Variants in PRDM5 observed in about 807,000 individuals in gnomAD.
PRDM5 encodes PR/SET domain 5.
PRDM5 carries 56 observed loss-of-function variants against 81.2 expected under a neutral mutation model. The ratio of observed to expected loss-of-function variants is 0.69; its 90% confidence interval spans 0.56 to 0.86. PRDM5 has a LOEUF of 0.86. PRDM5 is among the 40% of genes least tolerant of loss of function. The pLI is 0.00. For synonymous variants in PRDM5, 267 were observed against 256.4 expected (o/e 1.04, Z -0.39); for missense variants, 697 against 770.1 (o/e 0.91, Z 1.12).
chr4:120,802,245 A>G (rs1329226629), intron 8 of PRDM5, among the ~76,000 whole-genome samples: 1 of 152,218 alleles, frequency 6.6e-6, no homozygotes, highest in African/African-American at 2.4e-5. Flanking sequence ...CATGTTCAAA[A>G]TTCCTTAAAA....
intron 2 of PRDM5, among the ~76,000 whole-genome samples, chr4:120,869,831 G>A (rs1184618170): frequency 6.6e-6 from 1 of 152,148 alleles, no homozygotes; most frequent in Non-Finnish European, 1.5e-5. Context: ...AACACACAGA[G>A]GTCTGGAATC....
chr4:120,772,648 G>A (rs1027748590), intron 13 of PRDM5, among the ~76,000 whole-genome samples: 7 of 152,132 alleles, frequency 4.6e-5, no homozygotes, highest in Admixed American at 3.3e-4. Context: ...TCTGTCAGCC[G>A]GGCTCTTATT....
At chr4:120,835,626 G>A (rs974239667) in intron 3 of PRDM5, among the ~76,000 whole-genome samples, 8 of 152,138 alleles carry the variant, frequency 5.3e-5, no homozygotes, top group Admixed American at 1.3e-4. Context: ...CATGTAGGAC[G>A]TGACTTGCTC....
At chr4:120,707,550 C>T (rs1012092453) in intron 15 of PRDM5, among the ~76,000 whole-genome samples, 2 of 151,050 alleles carry the variant, frequency 1.3e-5, no homozygotes, top group African/African-American at 4.9e-5. Context: ...AACTATAAGA[C>T]TCTTAGAGAA....
rs971062048 is a variant in PRDM5 at position 120,821,099 on chromosome 4, T to C, written c.475+72A>G. On this transcript the variant is annotated intron_variant, in intron 4 of 15. Transcript: ENST00000264808. ...TGCCATATTACAAGGCAACTATAAT[T>C]CAACCACAGTTTAAACTACACTTTT... 2.0e-5 allele frequency: 31 copies of C among 1,516,890 alleles called. No individual in the cohort carries two copies. The Middle Eastern group carries it at 6.8e-4, about 33-fold the overall frequency. 94.0% of individuals were successfully genotyped at this position (1,516,890 alleles called of 1,614,324 possible).
chr4:120,919,262 C>T (rs139651600), intron 1 of PRDM5, among the ~76,000 whole-genome samples: 2 of 152,282 alleles, frequency 1.3e-5, no homozygotes, highest in East Asian at 3.9e-4. Context: ...TACTTGTTTG[C>T]TGCCTATCTC....
chr4:120,884,448 C>T (rs112204736), intron 2 of PRDM5, among the ~76,000 whole-genome samples: 3,362 of 152,146 alleles, frequency 0.022, 129 homozygotes, highest in African/African-American at 0.075. Flanking sequence ...ATAGTTCCTA[C>T]AACTAAAAAC....
intron 14 of PRDM5, among the ~76,000 whole-genome samples, chr4:120,730,410 G>T (rs1230777410): frequency 6.6e-6 from 1 of 152,110 alleles, no homozygotes; most frequent in Admixed American, 6.5e-5. Flanking sequence ...GTAACTTTAT[G>T]TAGAAATAAA....
At chr4:120,768,753 A>C (rs1397774) in intron 13 of PRDM5, among the ~76,000 whole-genome samples, 6,904 of 152,280 alleles carry the variant, frequency 0.045, 312 homozygotes, top group Middle Eastern at 0.15. Flanking sequence ...GAAACTTTAA[A>C]AACTAGGAAA....
chr4:120,704,352 G>A (rs1735805832), intron 15 of PRDM5, among the ~76,000 whole-genome samples: 1 of 152,106 alleles, frequency 6.6e-6, no homozygotes, highest in Admixed American at 6.6e-5. Flanking sequence ...TTACAAACAG[G>A]GGAGAGCAAA....
chr4:120,886,124 G>C (rs1431687018), intron 2 of PRDM5, among the ~76,000 whole-genome samples: 1 of 152,132 alleles, frequency 6.6e-6, no homozygotes, highest in East Asian at 1.9e-4. Context: ...TATGACATTT[G>C]TTTTAGGAGT....
intron 14 of PRDM5, among the ~76,000 whole-genome samples, chr4:120,728,342 A>G (rs1055980522): frequency 5.3e-5 from 8 of 152,266 alleles, no homozygotes; most frequent in African/African-American, 1.9e-4. Context: ...ATGAAAATGT[A>G]TTTGGGAAAT....
chr4:120,844,355 T>C (rs1426001779), intron 3 of PRDM5, among the ~76,000 whole-genome samples: 1 of 152,174 alleles, frequency 6.6e-6, no homozygotes, highest in Non-Finnish European at 1.5e-5. Context: ...TTGCATATTT[T>C]ACAAATTGAA....
rs750825490 is a variant in PRDM5 at position 120,798,412 on chromosome 4, T to C, written c.1043A>G (p.Tyr348Cys). ...HMITHSEKRP[Y>C]NCEICNKSFK... ...AGACTTATTACAAATCTCGCAATTA[T>C]AGGGTCGTTTTTCTATTAAAAAAAT... Residue 348 changes from tyrosine (Y) to cysteine (C), a missense_variant, in exon 10 of 16, where the codon TAT (tyrosine) becomes TGT (cysteine). Around this residue, in one of 3 missense-constraint regions of PRDM5, gnomAD observed 577 missense variants for 606.7 expected, o/e 0.95. Coordinates refer to ENST00000264808, the MANE Select transcript of PRDM5 (RefSeq NM_018699.4). 85 of 1,606,046 alleles carry C rather than the reference T, an allele frequency of 5.3e-5. No individual in the cohort carries two copies. Among genetic ancestry groups the C allele is most frequent in the Non-Finnish European group, 6.8e-5 (80 of 1,174,594 alleles).
At chr4:120,716,296 T>C (rs1282240568) in intron 14 of PRDM5, among the ~76,000 whole-genome samples, 1 of 152,192 alleles carries the variant, frequency 6.6e-6, no homozygotes, top group Admixed American at 6.5e-5. Flanking sequence ...TATATATGCA[T>C]GTTGGCAGAA....
At chr4:120,884,885 C>T (rs991518349) in intron 2 of PRDM5, among the ~76,000 whole-genome samples, 2 of 152,020 alleles carry the variant, frequency 1.3e-5, no homozygotes, top group African/African-American at 2.4e-5. Context: ...AAACACTGGC[C>T]GGGCGCGGTG....
chr4:120,780,121 C>T (rs994113866), intron 12 of PRDM5, among the ~76,000 whole-genome samples: 12 of 152,006 alleles, frequency 7.9e-5, no homozygotes, highest in African/African-American at 2.9e-4. Flanking sequence ...CAGTATCACA[C>T]ACTAATGGCA....
chr4:120,742,793 C>G (rs1244168584), intron 14 of PRDM5, among the ~76,000 whole-genome samples: 1 of 151,920 alleles, frequency 6.6e-6, no homozygotes. Flanking sequence ...AAGACCAAAT[C>G]TACGTCTGAT....
chr4:120,869,799 T>C (rs1169506481), intron 2 of PRDM5, among the ~76,000 whole-genome samples: 1 of 152,132 alleles, frequency 6.6e-6, no homozygotes, highest in African/African-American at 2.4e-5. Context: ...TCCTTTGCCA[T>C]GTTGAAAAAA....
Sources: gnomAD v4.1 joint callset for allele counts (sites outside exome capture counted in the v4.1 genomes callset) on GRCh38, gnomAD v4.1.1 for gene constraint, gnomAD v4.1.1 regional missense constraint, MANE v1.5 for transcripts, NCBI Gene and HGNC (gene_info 2026-07-23, HGNC 2026-07-21) for gene names.